Variants in GPC6 observed in about 807,000 individuals in gnomAD.
GPC6 encodes glypican-6.
GPC6 carries 14 observed loss-of-function variants against 55.2 expected under a neutral mutation model. The ratio of observed to expected loss-of-function variants is 0.25; its 90% CI spans 0.17 to 0.40. The LOEUF is 0.40. Ranked by LOEUF, GPC6 falls within the 10% of genes least tolerant of loss-of-function variation. The pLI is 1.00. For missense variants in GPC6, 641 were observed against 708.5 expected (o/e 0.90, Z 1.08); for synonymous variants, 278 against 259.6 (o/e 1.07, Z -0.68).
chr13:94,257,166 G>A (rs1891531145), intron 4 of GPC6, among the ~76,000 whole-genome samples: 1 of 152,098 alleles, frequency 6.6e-6, no homozygotes, highest in East Asian at 1.9e-4. Context: ...GTATCACCCT[G>A]GCCTGCAGAG....
chr13:93,830,088 G>C (rs976137407), intron 2 of GPC6, 66 bp from the exon 3 acceptor site: 1 of 1,168,570 alleles, frequency 8.6e-7, no homozygotes, highest in African/African-American at 1.5e-5. Flanking sequence ...TTGTACTTAA[G>C]GTAAGTGGGT....
At chr13:93,317,667 T>A (rs578133117) in intron 1 of GPC6, among the ~76,000 whole-genome samples, 24 of 152,304 alleles carry the variant, frequency 1.6e-4, no homozygotes, top group Non-Finnish European at 2.6e-4. Flanking sequence ...TACATTTACT[T>A]TTTTATCAAC....
chr13:94,123,506 T>A (rs944159998), intron 4 of GPC6, among the ~76,000 whole-genome samples: 2 of 152,136 alleles, frequency 1.3e-5, no homozygotes, highest in African/African-American at 4.8e-5. Context: ...CATCTCTTGT[T>A]GCATAAGGCA....
rs1214058758 is a variant in GPC6, at chr13:93,494,828, CT to C, written c.161-50432del. On this transcript the variant is annotated intron_variant, in intron 1 of 8. Coordinates refer to ENST00000377047, the MANE Select transcript of GPC6 (RefSeq NM_005708.5). ...GAAATTCTGGGTTGAAAATTCTTTT[CT>C]TTAAGAATGTTGAATATTGGCCCCC... Among the ~76,000 whole-genome samples, 4 of 147,068 alleles carry C rather than the reference CT, an allele frequency of 2.7e-5. No individual in the cohort carries two copies. The East Asian group carries it at 8.5e-4, about 31-fold the overall frequency.
chr13:93,812,258 A>G (rs1197522777), intron 2 of GPC6, among the ~76,000 whole-genome samples: 1 of 151,934 alleles, frequency 6.6e-6, no homozygotes, highest in Non-Finnish European at 1.5e-5. Flanking sequence ...GTGTGGTGGC[A>G]GGTGCCCATA....
Position 93,783,960 on chromosome 13 carries a change from T to A in GPC6, c.320-46194T>A, listed in dbSNP as rs150741235. On this transcript the variant is annotated intron_variant, in intron 2 of 8. Coordinates refer to ENST00000377047, the MANE Select transcript of GPC6 (RefSeq NM_005708.5). ...AATACCAAAAAATAAAAGGTAGAGA[T>A]TATAACGTCATGTAATATGTAGTTA... 2.9e-3 allele frequency among the ~76,000 whole-genome samples: 442 copies of A among 152,288 alleles called. 5 individuals are homozygous for A. Among genetic ancestry groups the A allele is most frequent in the African/African-American group, 1.0e-2 (414 of 41,552 alleles).
chr13:94,199,134 G>T (rs1045816310), intron 4 of GPC6, among the ~76,000 whole-genome samples: 3 of 152,206 alleles, frequency 2.0e-5, no homozygotes, highest in Non-Finnish European at 2.9e-5. Flanking sequence ...TTGGGAAGGA[G>T]TACCACATTA....
At chr13:94,365,498 T>C (rs370526849) in intron 6 of GPC6, among the ~76,000 whole-genome samples, 4 of 152,146 alleles carry the variant, frequency 2.6e-5, no homozygotes, top group African/African-American at 9.7e-5. Context: ...CACCACACAA[T>C]GCAAGTCTAC....
At position 94,062,130 on chromosome 13, in the gene GPC6, A is replaced by G. The variant is rs1054372041; in HGVS notation, c.877+34236A>G. Among the ~76,000 whole-genome samples, 5 of 152,136 alleles carry G rather than the reference A, an allele frequency of 3.3e-5. No homozygotes were observed. In the East Asian group the frequency reaches 9.6e-4, roughly 29 times the overall value. On this transcript the variant is annotated intron_variant, in intron 4 of 8. Transcript: ENST00000377047. ...AAACAACTGGTGAGTGAAGAAACTA[A>G]TATTTTTTTTTCGTTTGTTTTGTCC... is the stretch of plus-strand genomic sequence containing the variant.
chr13:94,202,966 CT>C (rs2138978435), intron 4 of GPC6, among the ~76,000 whole-genome samples: 2 of 152,176 alleles, frequency 1.3e-5, no homozygotes, highest in South Asian at 4.2e-4. Flanking sequence ...TTCAACACCT[CT>C]GGGCTGATAG....
At chr13:94,368,974 G>A (rs528608423) in intron 6 of GPC6, among the ~76,000 whole-genome samples, 11 of 152,214 alleles carry the variant, frequency 7.2e-5, no homozygotes, top group African/African-American at 2.4e-4. Flanking sequence ...CAAGTAAAAC[G>A]GCCTTGTCCC....
chr13:94,130,520 G>A (rs1185385616), intron 4 of GPC6, among the ~76,000 whole-genome samples: 1 of 152,136 alleles, frequency 6.6e-6, no homozygotes, highest in Non-Finnish European at 1.5e-5. Flanking sequence ...TCTAAGTGCA[G>A]AAGAGAACTT....
intron 3 of GPC6, among the ~76,000 whole-genome samples, chr13:93,963,616 C>T (rs1244331801): frequency 6.6e-6 from 1 of 152,180 alleles, no homozygotes; most frequent in East Asian, 1.9e-4. Context: ...TAAAAAATAG[C>T]TGTGCTAAAT....
intron 3 of GPC6, among the ~76,000 whole-genome samples, chr13:93,902,019 A>C (rs2140327859): frequency 6.6e-6 from 1 of 152,194 alleles, no homozygotes; most frequent in Non-Finnish European, 1.5e-5. Context: ...AATCAGGGCA[A>C]TTTAGCATAT....
chr13:94,102,367 G>A (rs1885896641), intron 4 of GPC6, among the ~76,000 whole-genome samples: 1 of 152,170 alleles, frequency 6.6e-6, no homozygotes, highest in East Asian at 1.9e-4. Context: ...TCCCCTGGGT[G>A]CCTAGCCCTG....
intron 3 of GPC6, among the ~76,000 whole-genome samples, chr13:93,867,182 A>G (rs1888990787): frequency 6.6e-6 from 1 of 151,740 alleles, no homozygotes; most frequent in Admixed American, 6.6e-5. Flanking sequence ...GGTTGCTTAT[A>G]TTATGGTGAA....
At chr13:93,579,884 T>C (rs1876854390) in intron 2 of GPC6, among the ~76,000 whole-genome samples, 1 of 152,162 alleles carries the variant, frequency 6.6e-6, no homozygotes, top group African/African-American at 2.4e-5. Context: ...TTTCCAGTTT[T>C]CCATTATCCA....
At chr13:93,320,997 A>G (rs1879418510) in intron 1 of GPC6, among the ~76,000 whole-genome samples, 1 of 152,068 alleles carries the variant, frequency 6.6e-6, no homozygotes. Flanking sequence ...GAAAAGGTTC[A>G]CTTTAAATTT....
chr13:93,624,955 CT>C (rs372662966), intron 2 of GPC6, among the ~76,000 whole-genome samples: 72 of 152,248 alleles, frequency 4.7e-4, no homozygotes, highest in South Asian at 3.3e-3. Context: ...AAACCAAGCT[CT>C]GAGAGAAAGT....
Sources: gnomAD v4.1 joint callset for allele counts (sites outside exome capture counted in the v4.1 genomes callset) on GRCh38, gnomAD v4.1.1 for gene constraint, MANE v1.5 for transcripts, NCBI Gene and HGNC (gene_info 2026-07-23, HGNC 2026-07-21) for gene names.